MBNL2: variants seen among roughly 807,000 people sequenced by gnomAD.
The protein encoded by MBNL2 is muscleblind-like protein 2.
MBNL2 carries 17 observed loss-of-function variants against 41.9 expected under a neutral mutation model. That is an observed-to-expected ratio of 0.41 (90% confidence interval 0.28 to 0.61). MBNL2 has a LOEUF of 0.61. Ranked by LOEUF, MBNL2 falls within the 20% of genes least tolerant of loss-of-function variation. The pLI, the probability that MBNL2 is intolerant of heterozygous loss-of-function variation, is 0.35. For missense variants in MBNL2, 336 were observed against 505.6 expected (o/e 0.66, Z 3.22); for synonymous variants, 195 against 182.9 (o/e 1.07, Z -0.53).
At chr13:97,278,332 G>A (rs1049967724) in intron 2 of MBNL2, among the ~76,000 whole-genome samples, 6 of 149,790 alleles carry the variant, frequency 4.0e-5, no homozygotes, top group African/African-American at 1.2e-4. Context: ...AAACAGGTCA[G>A]TGATGATAAA....
At chr13:97,273,231 C>G (rs999158359) in intron 1 of MBNL2, among the ~76,000 whole-genome samples, 3 of 152,162 alleles carry the variant, frequency 2.0e-5, no homozygotes, top group African/African-American at 7.2e-5. Flanking sequence ...TAAGTGTGTT[C>G]AGCCCATCAT....
the MBNL2 span, among the ~76,000 whole-genome samples, chr13:97,161,507 C>T: frequency 6.6e-6 from 1 of 152,204 alleles, no homozygotes; most frequent in South Asian, 2.1e-4. Flanking sequence ...ACTGCACTGC[C>T]CTTAGTGCAG....
At chr13:97,250,672 T>C (rs2046339948) in intron 1 of MBNL2, among the ~76,000 whole-genome samples, 1 of 152,218 alleles carries the variant, frequency 6.6e-6, no homozygotes, top group South Asian at 2.1e-4. Context: ...CATTCAATGA[T>C]CTTGAAAGAA....
At chr13:97,146,280 C>A in the MBNL2 span, among the ~76,000 whole-genome samples, 2 of 151,876 alleles carry the variant, frequency 1.3e-5, no homozygotes, top group African/African-American at 4.8e-5. Context: ...GCATTACAGG[C>A]GTGAGCCATC....
At chr13:97,344,971 C>G (rs1045604615) in intron 4 of MBNL2, among the ~76,000 whole-genome samples, 6 of 152,196 alleles carry the variant, frequency 3.9e-5, no homozygotes, top group Non-Finnish European at 8.8e-5. Context: ...TGCTATCAGA[C>G]AGAAGTCATT....
chr13:97,165,905 T>G, the MBNL2 span, among the ~76,000 whole-genome samples: 2 of 152,262 alleles, frequency 1.3e-5, no homozygotes, highest in African/African-American at 4.8e-5. Flanking sequence ...TGAAGCCTGT[T>G]TCCAAACTCA....
At chr13:97,324,729 T>C (rs1263463120) in intron 2 of MBNL2, among the ~76,000 whole-genome samples, 1 of 152,132 alleles carries the variant, frequency 6.6e-6, no homozygotes, top group Admixed American at 6.5e-5. Context: ...AAACCAACAG[T>C]GCAGCCTTCA....
intron 5 of MBNL2, among the ~76,000 whole-genome samples, chr13:97,347,487 G>T (rs2061994069): frequency 6.6e-6 from 1 of 152,202 alleles, no homozygotes. Context: ...AGCCACGGAG[G>T]ACATCTGTGG....
intron 2 of MBNL2, among the ~76,000 whole-genome samples, chr13:97,288,313 T>C (rs901686058): frequency 1.3e-5 from 2 of 152,314 alleles, no homozygotes; most frequent in African/African-American, 4.8e-5. Context: ...GGAAGAGTTT[T>C]GTCATAAGAA....
At chr13:97,238,334 C>T (rs1462131504) in intron 1 of MBNL2, among the ~76,000 whole-genome samples, 1 of 152,198 alleles carries the variant, frequency 6.6e-6, no homozygotes, top group African/African-American at 2.4e-5. Flanking sequence ...TTCCTAGGCA[C>T]ACTTCCACTG....
upstream of MBNL2, among the ~76,000 whole-genome samples, chr13:97,218,928 G>A (rs2040637267): frequency 6.6e-6 from 1 of 150,608 alleles, no homozygotes; most frequent in Admixed American, 6.7e-5. Flanking sequence ...TGACTTCTGA[G>A]GCCAACAGTC....
upstream of MBNL2, chr13:97,221,473 T>C (rs987690086): frequency 6.6e-6 from 1 of 152,218 alleles, no homozygotes; most frequent in African/African-American, 2.4e-5. Context: ...TTTTGTGGAA[T>C]GGCACCTCAT....
chr13:97,154,753 G>C, the MBNL2 span, among the ~76,000 whole-genome samples: 1 of 151,982 alleles, frequency 6.6e-6, no homozygotes, highest in East Asian at 1.9e-4. Flanking sequence ...ACACATAGTT[G>C]ATACTATGTA....
At chr13:97,258,416 T>G (rs951116790) in intron 1 of MBNL2, among the ~76,000 whole-genome samples, 6 of 152,216 alleles carry the variant, frequency 3.9e-5, no homozygotes, top group Non-Finnish European at 7.3e-5. Flanking sequence ...TTTCTTTCTT[T>G]CTTTCTTTTT....
At chr13:97,319,220 C>A (rs1032380405) in intron 2 of MBNL2, among the ~76,000 whole-genome samples, 1 of 149,012 alleles carries the variant, frequency 6.7e-6, no homozygotes, top group African/African-American at 2.4e-5. Context: ...CGTGGGACAC[C>A]CGGCGGGTGT....
intron 3 of MBNL2, among the ~76,000 whole-genome samples, chr13:97,335,470 G>A (rs1250422256): frequency 2.0e-5 from 3 of 152,120 alleles, no homozygotes; most frequent in Non-Finnish European, 4.4e-5. Flanking sequence ...TGTGAGATGG[G>A]GTGTGGAGGG....
At chr13:97,359,823 A>C (rs1390440893) in intron 7 of MBNL2, among the ~76,000 whole-genome samples, 1 of 152,210 alleles carries the variant, frequency 6.6e-6, no homozygotes, top group Non-Finnish European at 1.5e-5. Flanking sequence ...GTGTTCTGAA[A>C]TGGTATTTCA....
intron 2 of MBNL2, among the ~76,000 whole-genome samples, chr13:97,333,738 T>C (rs969112529): frequency 6.6e-6 from 1 of 152,156 alleles, no homozygotes; most frequent in Non-Finnish European, 1.5e-5. Context: ...ACATAATTAT[T>C]CATATTTGGA....
At chr13:97,251,066 T>C (rs1197007509) in intron 1 of MBNL2, among the ~76,000 whole-genome samples, 1 of 151,750 alleles carries the variant, frequency 6.6e-6, no homozygotes, top group Non-Finnish European at 1.5e-5. Context: ...GTGCAGCTAC[T>C]GGGCAGAACT....
Sources: gnomAD v4.1 joint callset for allele counts (sites outside exome capture counted in the v4.1 genomes callset) on GRCh38, gnomAD v4.1.1 for gene constraint, MANE v1.5 for transcripts, NCBI Gene and HGNC (gene_info 2026-07-23, HGNC 2026-07-21) for gene names.